GIPC2: variants seen among roughly 807,000 people sequenced by gnomAD.
GIPC2 encodes the protein PDZ domain-containing protein GIPC2.
In GIPC2, 30 loss-of-function variants were observed where a neutral mutation model predicts 30.6. That is an observed-to-expected ratio of 0.98 (90% CI 0.73 to 1.33). GIPC2 has a LOEUF of 1.33. Among genes scored for constraint, GIPC2 ranks in the 40% most tolerant of loss-of-function variants. The probability of loss-of-function intolerance (pLI) is 0.00; values close to 1 mark genes in which losing one functional copy is unlikely to be tolerated. For synonymous variants in GIPC2, 167 were observed against 150.0 expected (o/e 1.11, Z -0.83); for missense variants, 414 against 390.3 (o/e 1.06, Z -0.51).
At chr1:78,059,873 A>G (rs921439446) in intron 1 of GIPC2, among the ~76,000 whole-genome samples, 1 of 152,246 alleles carries the variant, frequency 6.6e-6, no homozygotes, top group African/African-American at 2.4e-5. Flanking sequence ...TGAAGTGCCA[A>G]TAGCACTCTG....
intron 3 of GIPC2, among the ~76,000 whole-genome samples, chr1:78,115,257 A>G (rs532684624): frequency 5.3e-5 from 8 of 152,254 alleles, no homozygotes; most frequent in Middle Eastern, 3.4e-3. Flanking sequence ...ACACTTTTTG[A>G]AAAGTCAGAT....
At chr1:78,082,982 A>G (rs891515137) in intron 2 of GIPC2, among the ~76,000 whole-genome samples, 8 of 152,168 alleles carry the variant, frequency 5.3e-5, no homozygotes, top group African/African-American at 1.9e-4. Context: ...TTAGTACTTC[A>G]GAGTGTAATT....
chr1:78,087,911 A>G (rs1661961869), intron 2 of GIPC2, among the ~76,000 whole-genome samples: 1 of 152,142 alleles, frequency 6.6e-6, no homozygotes, highest in South Asian at 2.1e-4. Context: ...TTACCAGAAA[A>G]AAAAGACAAC....
At chr1:78,105,590 C>T (rs573696021) in intron 3 of GIPC2, among the ~76,000 whole-genome samples, 1 of 151,876 alleles carries the variant, frequency 6.6e-6, no homozygotes, top group African/African-American at 2.4e-5. Context: ...CCGACCAGAA[C>T]CGTAATGTTT....
chr1:78,075,988 T>C (rs1250762455), intron 1 of GIPC2, among the ~76,000 whole-genome samples: 1 of 152,248 alleles, frequency 6.6e-6, no homozygotes, highest in East Asian at 1.9e-4. Flanking sequence ...ATGTTTGCAG[T>C]GATAACTGCA....
chr1:78,053,768 CAA>C (rs11444194), intron 1 of GIPC2, among the ~76,000 whole-genome samples: 5 of 127,968 alleles, frequency 3.9e-5, no homozygotes, highest in Non-Finnish European at 4.8e-5. Flanking sequence ...AAAAAAAAGC[CAA>C]AAAAAAAAAA....
intron 2 of GIPC2, among the ~76,000 whole-genome samples, chr1:78,083,070 CT>C (rs531852968): frequency 9.9e-5 from 15 of 150,806 alleles, no homozygotes; most frequent in African/African-American, 3.7e-4. Context: ...TGATATAATA[CT>C]TTTAAACTAA....
intron 3 of GIPC2, among the ~76,000 whole-genome samples, chr1:78,105,616 G>A (rs541021574): frequency 6.6e-6 from 1 of 151,992 alleles, no homozygotes; most frequent in South Asian, 2.1e-4. Flanking sequence ...GGACCATTTA[G>A]AGTTAATAAC....
At chr1:78,082,525 C>T (rs1490495114) in intron 2 of GIPC2, among the ~76,000 whole-genome samples, 3 of 152,156 alleles carry the variant, frequency 2.0e-5, no homozygotes, top group Admixed American at 6.6e-5. Flanking sequence ...CCAAGGGAAG[C>T]TCAGGACATG....
chr1:78,045,337 T>G (rs1002420026), upstream of GIPC2, among the ~76,000 whole-genome samples: 1 of 152,004 alleles, frequency 6.6e-6, no homozygotes, highest in Admixed American at 6.6e-5. Context: ...AAACGCGAGG[T>G]AGGGAATTGA....
Position 78,046,031 on chromosome 1 carries a change from A to C in GIPC2, c.-64A>C. On this transcript the variant is annotated 5_prime_UTR_variant, in exon 1 of 6. Transcript: ENST00000370759. ...CGCGGGGCCCGGGGCGCAAAGTCCG[A>C]GGCGCCGGGGGGAGGAGGCGGCGGA... 2.9e-6 allele frequency: 4 copies of C among 1,397,838 alleles called. No individual in the cohort carries two copies. Among genetic ancestry groups the C allele is most frequent in the Non-Finnish European group, 3.7e-6 (4 of 1,078,336 alleles). The allele number at this position is 1,397,838 out of a possible 1,614,324, so 86.6% of individuals were successfully genotyped here.
chr1:78,133,852 C>T (rs1184617733), intron 5 of GIPC2, among the ~76,000 whole-genome samples: 2 of 151,408 alleles, frequency 1.3e-5, no homozygotes, highest in Non-Finnish European at 2.9e-5. Flanking sequence ...ATATTACCAT[C>T]ATTACTTATT....
Position 78,119,456 on chromosome 1 carries a change from C to T in GIPC2, c.671C>T (p.Thr224Ile). 1 of 1,612,952 alleles carries T rather than the reference C, an allele frequency of 6.2e-7. No individual in the cohort carries two copies. The highest frequency in any genetic ancestry group is 8.5e-7 in the Non-Finnish European group (1 of 1,179,022). ...GAAAAAATTGGTTGTGGAAGGGCAA[C>T]ACTTCGCCTGAGATCAAAAGGTCCT... is the stretch of plus-strand genomic sequence containing the variant. Reference protein sequence around the residue: ...SGEKIGCGRATLRLRSKGPAT... With the variant: ...SGEKIGCGRAILRLRSKGPAT... The change falls in exon 4 of 6, where the codon ACA becomes ATA. Residue 224 changes from threonine to isoleucine, a missense_variant. Thr to Ile is a moderately conservative substitution (Grantham distance 89). Coordinates refer to ENST00000370759, the MANE Select transcript of GIPC2 (RefSeq NM_017655.6).
At chr1:78,121,343 GC>G (rs757959232) in intron 4 of GIPC2, among the ~76,000 whole-genome samples, 1 of 152,156 alleles carries the variant, frequency 6.6e-6, no homozygotes, top group African/African-American at 2.4e-5. Flanking sequence ...AAGGCTCTGG[GC>G]CCTTCTAGGG....
intron 1 of GIPC2, among the ~76,000 whole-genome samples, chr1:78,073,398 C>T (rs1311157759): frequency 6.6e-6 from 1 of 152,052 alleles, no homozygotes; most frequent in Non-Finnish European, 1.5e-5. Flanking sequence ...GCCATTGCAC[C>T]CAGACTTTCT....
rs1661079990 is a variant in GIPC2 at position 78,046,260 on chromosome 1, C to T, written c.166C>T (p.Arg56Ter). 1.2e-6 allele frequency: 2 copies of T among 1,611,140 alleles called. No homozygotes were observed. Among genetic ancestry groups the T allele is most frequent in the East Asian group, 2.2e-5 (1 of 44,668 alleles). ...GCTGGCGCACGGTAGTGCCACGGGCCGAGTGGAGGGCTTCTCCAGCATCCA... is the reference window on the plus strand; with the variant it reads ...GCTGGCGCACGGTAGTGCCACGGGCTGAGTGGAGGGCTTCTCCAGCATCCA... ...AQLAHGSATG[R>*]VEGFSSIQEL... Residue 56 changes from arginine (R) to a stop codon, truncating the protein, a stop_gained, in exon 1 of 6, where the codon CGA becomes TGA. Transcript: ENST00000370759. LOFTEE classifies it high-confidence loss of function.
At chr1:78,108,197 A>G (rs1381505993) in intron 3 of GIPC2, among the ~76,000 whole-genome samples, 1 of 152,212 alleles carries the variant, frequency 6.6e-6, no homozygotes, top group African/African-American at 2.4e-5. Context: ...TCTTTGTTAA[A>G]AGAACGACCT....
rs563805449 is a variant in GIPC2 at position 78,138,055 on chromosome 1, A to G, written c.*2312A>G. 1.3e-5 allele frequency: 2 copies of G among 149,610 alleles called. No individual in the cohort carries two copies. The highest frequency in any genetic ancestry group is 4.2e-4 in the South Asian group (2 of 4,750). The allele number at this position is 149,610 out of a possible 1,614,324, so 9.3% of individuals were successfully genotyped here. A position where few individuals can be genotyped will look rare whatever the true frequency, so the allele number is the denominator to read the frequency against. On this transcript the variant is annotated 3_prime_UTR_variant, in exon 6 of 6. Coordinates refer to ENST00000370759, the MANE Select transcript of GIPC2 (RefSeq NM_017655.6). ...TTTTGTTTGTTCTTGATTTCCTGTT[A>G]TTGAAAACAGCATCTTCCTTCTTGC...
intron 5 of GIPC2, among the ~76,000 whole-genome samples, chr1:78,132,698 T>TGTGTGTGG (rs1553146045): frequency 6.7e-6 from 1 of 150,320 alleles, no homozygotes; most frequent in African/African-American, 2.4e-5. Context: ...TGTGTGTGTG[T>TGTGTGTGG]AGAGAGAGAA....
Sources: allele counts gnomAD v4.1 joint callset (sites outside exome capture counted in the v4.1 genomes callset), GRCh38; gene constraint gnomAD v4.1.1; transcripts MANE v1.5; gene names NCBI Gene and HGNC (gene_info 2026-07-23, HGNC 2026-07-21).